PAK5: variants seen among roughly 807,000 people sequenced by gnomAD.
The protein encoded by PAK5 is p21 (RAC1) activated kinase 5.
PAK5 carries 16 observed loss-of-function variants against 65.9 expected under a neutral mutation model. That is an observed-to-expected ratio of 0.24 (90% CI 0.16 to 0.37). The LOEUF is 0.37. Among genes scored for constraint, PAK5 ranks in the 10% least tolerant of loss-of-function variants. The probability of loss-of-function intolerance (pLI) is 1.00; values close to 1 mark genes in which losing one functional copy is unlikely to be tolerated. For missense variants in PAK5, 785 were observed against 903.9 expected (o/e 0.87, Z 1.69); for synonymous variants, 371 against 354.9 (o/e 1.05, Z -0.51).
At chr20:9,606,933 C>T (rs1201699220) in intron 3 of PAK5, among the ~76,000 whole-genome samples, 1 of 152,106 alleles carries the variant, frequency 6.6e-6, no homozygotes, top group Non-Finnish European at 1.5e-5. Context: ...AGATAATTTC[C>T]TTCTGTGTGC....
intron 2 of PAK5, among the ~76,000 whole-genome samples, chr20:9,680,662 AG>A (rs1192259646): frequency 6.6e-6 from 1 of 152,170 alleles, no homozygotes; most frequent in Non-Finnish European, 1.5e-5. Flanking sequence ...GACCAGAAAA[AG>A]TCCTCCGGAG....
intron 9 of PAK5, among the ~76,000 whole-genome samples, 193 bp downstream of exon 9, chr20:9,542,393 T>C (rs1394658297): frequency 1.3e-5 from 2 of 152,172 alleles, no homozygotes; most frequent in African/African-American, 4.8e-5. Context: ...AACTTTGGCA[T>C]AGGAAAGGCT....
chr20:9,726,487 G>C (rs982842518), intron 1 of PAK5, among the ~76,000 whole-genome samples: 41 of 152,148 alleles, frequency 2.7e-4, no homozygotes, highest in Non-Finnish European at 2.6e-4. Flanking sequence ...CTTGGGTGTT[G>C]TGTTCAATAA....
At chr20:9,682,333 G>C (rs1421708999) in intron 2 of PAK5, among the ~76,000 whole-genome samples, 2 of 151,466 alleles carry the variant, frequency 1.3e-5, no homozygotes, top group African/African-American at 4.9e-5. Context: ...CTCCAGCCTG[G>C]GCAACAGAGC....
At chr20:9,637,783 A>C (rs185688762) in intron 3 of PAK5, among the ~76,000 whole-genome samples, 2 of 152,226 alleles carry the variant, frequency 1.3e-5, no homozygotes, top group Non-Finnish European at 2.9e-5. Flanking sequence ...TATTATTTGT[A>C]TAATTCTACC....
rs111315052 is a variant in PAK5 at position 9,545,415 on chromosome 20, A to G, written c.1744-921T>C. On this transcript the variant is annotated intron_variant, in intron 7 of 9. Transcript: ENST00000353224. ...AACAGCCTTATGAAAGTGACATCAA[A>G]GAGCCACTTAGAGTTGTTGGTGATA... is the stretch of plus-strand genomic sequence containing the variant. Among the ~76,000 whole-genome samples the G allele has an allele frequency of 8.3e-3, 1,266 of 152,344 alleles. 8 individuals are homozygous for G. The highest frequency in any genetic ancestry group is 0.029 in the African/African-American group (1,195 of 41,578).
At position 9,673,107 on chromosome 20, in the gene PAK5, T is replaced by C. The variant is rs117133512; in HGVS notation, c.-11-28768A>G. Among the ~76,000 whole-genome samples the C allele has an allele frequency of 9.2e-5, 14 of 152,298 alleles. No homozygotes were observed. In the East Asian group the frequency reaches 2.3e-3, roughly 25 times the overall value. On this transcript the variant is annotated intron_variant, in intron 2 of 9. Transcript: ENST00000353224. Reference sequence around the variant, plus strand: ...AAATCTTAACATTAAGTGACAGACATAGAATGTTTTTAGTGTGTTTGACAT... The same window carrying C: ...AAATCTTAACATTAAGTGACAGACACAGAATGTTTTTAGTGTGTTTGACAT...
chr20:9,719,884 G>A (rs143994667), intron 1 of PAK5, among the ~76,000 whole-genome samples: 445 of 152,254 alleles, frequency 2.9e-3, no homozygotes, highest in Non-Finnish European at 4.1e-3. Context: ...CACAACATTA[G>A]GTTTAGAAAA....
At chr20:9,591,543 G>T (rs1298375555) in intron 3 of PAK5, among the ~76,000 whole-genome samples, 1 of 151,902 alleles carries the variant, frequency 6.6e-6, no homozygotes, top group Non-Finnish European at 1.5e-5. Flanking sequence ...GAAATAATTA[G>T]CCTTTAAAGC....
At position 9,539,571 on chromosome 20, in the gene PAK5, T is replaced by A; in HGVS notation, c.2051A>T (p.Glu684Val). 1 of 1,613,478 alleles carries A rather than the reference T, an allele frequency of 6.2e-7. No individual in the cohort carries two copies. The highest frequency in any genetic ancestry group is 8.5e-7 in the Non-Finnish European group (1 of 1,179,792). The part of the protein sequence containing the change: ...RGFLDLMLVR[E>V]PSQRATAQEL... Reference sequence around the variant, plus strand: ...CTGGGCTGTTGCTCTCTGAGAGGGCTCCCTCACCAACATCAAGTCTAGGAA... The same window carrying A: ...CTGGGCTGTTGCTCTCTGAGAGGGCACCCTCACCAACATCAAGTCTAGGAA... Residue 684 changes from glutamate (E) to valine (V), a missense_variant, in exon 10 of 10, where the codon GAG becomes GTG. Glu to Val is a moderately radical substitution (Grantham distance 121). Around this residue, in one of 4 missense-constraint regions of PAK5, gnomAD observed 110 missense variants for 107.4 expected, o/e 1.02. Transcript: ENST00000353224.
intron 1 of PAK5, among the ~76,000 whole-genome samples, chr20:9,765,090 G>A (rs1431912585): frequency 1.3e-5 from 2 of 152,166 alleles, no homozygotes; most frequent in Non-Finnish European, 2.9e-5. Context: ...TGGAGACTGA[G>A]TATTGAAATA....
At chr20:9,795,556 G>A (rs148882823) in intron 1 of PAK5, among the ~76,000 whole-genome samples, 49 of 152,168 alleles carry the variant, frequency 3.2e-4, no homozygotes, top group Admixed American at 5.9e-4. Context: ...CTCACTATAT[G>A]TGCAGCTTCT....
intron 9 of PAK5, among the ~76,000 whole-genome samples, chr20:9,540,925 A>G (rs1449541676): frequency 6.6e-6 from 1 of 151,978 alleles, no homozygotes; most frequent in African/African-American, 2.4e-5. Context: ...TTTAGTGGAG[A>G]TGGGGTTTCA....
intron 7 of PAK5, among the ~76,000 whole-genome samples, chr20:9,554,417 G>A (rs2045476621): frequency 6.6e-6 from 1 of 152,202 alleles, no homozygotes; most frequent in African/African-American, 2.4e-5. Flanking sequence ...TGATCTGGTG[G>A]CAGCTCCAGC....
chr20:9,559,287 C>T lies in PAK5; in HGVS notation c.1617-1553G>A, dbSNP rs115560237. Among the ~76,000 whole-genome samples the T allele has an allele frequency of 1.7e-3, 266 of 152,178 alleles. 1 individual carries two copies. Among genetic ancestry groups the T allele is most frequent in the African/African-American group, 6.3e-3 (261 of 41,522 alleles). On this transcript the variant is annotated intron_variant, in intron 6 of 9. Coordinates refer to ENST00000353224, the MANE Select transcript of PAK5 (RefSeq NM_177990.4). ...AGACAGAGGGTGTAAATGACCAGAGCCCAAATTTAAGGACAAACTTGTGAA... is the reference window on the plus strand; with the variant it reads ...AGACAGAGGGTGTAAATGACCAGAGTCCAAATTTAAGGACAAACTTGTGAA...
chr20:9,655,641 T>C (rs1299393915), intron 2 of PAK5, among the ~76,000 whole-genome samples: 1 of 152,196 alleles, frequency 6.6e-6, no homozygotes, highest in African/African-American at 2.4e-5. Context: ...GCTAGATGTA[T>C]CTATCATTCT....
chr20:9,742,432 G>C (rs1310522061), intron 1 of PAK5, among the ~76,000 whole-genome samples: 1 of 152,050 alleles, frequency 6.6e-6, no homozygotes, highest in Non-Finnish European at 1.5e-5. Flanking sequence ...GGCTTTAATT[G>C]TTTTAATCTT....
At chr20:9,623,948 G>C (rs1278279035) in intron 3 of PAK5, among the ~76,000 whole-genome samples, 1 of 152,128 alleles carries the variant, frequency 6.6e-6, no homozygotes, top group Non-Finnish European at 1.5e-5. Flanking sequence ...TTACTGGTGG[G>C]GAGTACACTG....
Position 9,539,256 on chromosome 20 carries a change from G to C in PAK5, c.*206C>G. 1 of 537,768 alleles carries C rather than the reference G, an allele frequency of 1.9e-6. No homozygotes were observed. Among genetic ancestry groups the C allele is most frequent in the Non-Finnish European group, 3.4e-6 (1 of 297,624 alleles). The allele number at this position is 537,768 out of a possible 1,614,324, so 33.3% of individuals were successfully genotyped here. On this transcript the variant is annotated 3_prime_UTR_variant, in exon 10 of 10. Transcript: ENST00000353224. ...ATGACTTATTAAAGCCGTGCTCCAA[G>C]TGACCACACCGGCTGTCAGTGGAGA...
Sources: allele counts gnomAD v4.1 joint callset (sites outside exome capture counted in the v4.1 genomes callset), GRCh38; gene constraint gnomAD v4.1.1; regional missense constraint gnomAD v4.1.1; transcripts MANE v1.5; gene names NCBI Gene and HGNC (gene_info 2026-07-23, HGNC 2026-07-21).